RBPJ: variants seen among roughly 807,000 people sequenced by gnomAD.
RBPJ encodes the protein recombination signal binding protein for immunoglobulin kappa J region, also known as recombining binding protein suppressor of hairless.
A neutral mutation model predicts 67.8 loss-of-function variants in RBPJ; 9 were observed. The ratio of observed to expected loss-of-function variants is 0.13; its 90% confidence interval spans 0.08 to 0.23. The LOEUF (loss-of-function observed/expected upper bound fraction) is 0.23. RBPJ is among the 10% of genes least tolerant of loss of function. RBPJ has a pLI of 1.00. For missense variants in RBPJ, 305 were observed against 595.6 expected, an observed-to-expected ratio of 0.51 and a Z score of 5.08; for synonymous variants, 198 against 203.3, an observed-to-expected ratio of 0.97 and a Z score of 0.22.
chr4:26,162,721 C>G (rs1274692471), upstream of RBPJ, among the ~76,000 whole-genome samples: 1 of 152,212 alleles, frequency 6.6e-6, no homozygotes. Context: ...AGGCTCCGAG[C>G]ACATGTCCTC....
intron 1 of RBPJ, among the ~76,000 whole-genome samples, chr4:26,243,306 A>G (rs112954473): frequency 0.02 from 3,000 of 152,322 alleles, 86 homozygotes; most frequent in African/African-American, 0.069. Flanking sequence ...GATGATGGGT[A>G]TCTCGCAGAA....
rs896729093 is a variant in RBPJ, at chr4:26,254,590, T to A, written c.-167+90976T>A. On this transcript the variant is annotated intron_variant, in intron 1 of 4. Coordinates refer to the RBPJ transcript ENST00000512351. ...GATTTTATCTTTGCCACATAACTAG[T>A]TTTTTTAATGCTATGTAAATGCTAT... Among the ~76,000 whole-genome samples, 17 of 148,806 alleles carry A rather than the reference T, an allele frequency of 1.1e-4. 1 individual carries two copies. The highest frequency in any genetic ancestry group is 1.1e-3 in the Admixed American group (16 of 15,154).
chr4:26,321,997 C>T (rs1262624995), intron 1 of RBPJ: 1 of 151,928 alleles, frequency 6.6e-6, no homozygotes, highest in African/African-American at 2.4e-5. Context: ...GGGATTAAAG[C>T]GTCTCCAATT....
chr4:26,245,148 A>G (rs546037401), intron 1 of RBPJ, among the ~76,000 whole-genome samples: 153 of 150,284 alleles, frequency 1.0e-3, no homozygotes, highest in African/African-American at 3.2e-3. Flanking sequence ...AACACTATCC[A>G]TTAGCAGTCA....
At chr4:26,153,862 C>T in the RBPJ span, among the ~76,000 whole-genome samples, 17 of 152,076 alleles carry the variant, frequency 1.1e-4, no homozygotes, top group Admixed American at 1.0e-3. Context: ...GCAGGAGAAT[C>T]GCTTGAACCC....
At chr4:26,202,207 A>G (rs987716929) in intron 1 of RBPJ, among the ~76,000 whole-genome samples, 1 of 151,878 alleles carries the variant, frequency 6.6e-6, no homozygotes, top group Admixed American at 6.6e-5. Flanking sequence ...AATGTCATCA[A>G]CCTACAATGA....
chr4:26,315,167 A>ATATAT (rs1553860769), upstream of RBPJ, among the ~76,000 whole-genome samples: 10 of 74,764 alleles, frequency 1.3e-4, no homozygotes, highest in African/African-American at 6.1e-4. Flanking sequence ...AAAAAAAAAA[A>ATATAT]ATATATATAT....
chr4:26,173,552 A>G (rs890157412), intron 1 of RBPJ, among the ~76,000 whole-genome samples: 4 of 152,136 alleles, frequency 2.6e-5, no homozygotes, highest in African/African-American at 9.7e-5. Context: ...GTGAAATTTT[A>G]TTTACGTCTA....
chr4:26,339,755 C>T (rs1265753587), intron 1 of RBPJ, among the ~76,000 whole-genome samples: 3 of 152,158 alleles, frequency 2.0e-5, no homozygotes, highest in Non-Finnish European at 1.5e-5. Context: ...GGCAGTGGCT[C>T]ATGCCTGTAA....
intron 1 of RBPJ, among the ~76,000 whole-genome samples, chr4:26,298,500 C>T (rs1163509021): frequency 1.3e-5 from 2 of 152,076 alleles, no homozygotes; most frequent in East Asian, 1.9e-4. Context: ...GGGATCTGCA[C>T]GAGATGGGCA....
At chr4:26,313,944 CT>C (rs1213330278) in intron 1 of RBPJ, among the ~76,000 whole-genome samples, 2 of 152,032 alleles carry the variant, frequency 1.3e-5, no homozygotes, top group Admixed American at 1.3e-4. Flanking sequence ...CTTTTCCCTC[CT>C]TTCTATGTTT....
chr4:26,124,374 G>A, the RBPJ span, among the ~76,000 whole-genome samples: 5 of 138,926 alleles, frequency 3.6e-5, no homozygotes, highest in African/African-American at 1.4e-4. Context: ...CGCTGTGAAT[G>A]CCATTAACTC....
the RBPJ span, among the ~76,000 whole-genome samples, chr4:26,153,418 G>A: frequency 1.2e-3 from 184 of 152,318 alleles, no homozygotes; most frequent in African/African-American, 4.0e-3. Flanking sequence ...AACAGCAGGC[G>A]TTCAGTCTCC....
At chr4:26,374,203 G>A (rs1040161544) in intron 1 of RBPJ, among the ~76,000 whole-genome samples, 9 of 152,098 alleles carry the variant, frequency 5.9e-5, no homozygotes, top group African/African-American at 2.2e-4. Flanking sequence ...GCCTTCCAAA[G>A]TGTTAGGACT....
At chr4:26,214,966 G>T (rs1577480902) in intron 1 of RBPJ, among the ~76,000 whole-genome samples, 1 of 24,916 alleles carries the variant, frequency 4.0e-5, no homozygotes, top group Non-Finnish European at 6.3e-5. Context: ...GAAGGAGGGA[G>T]GGAGGGAGGG....
At chr4:26,247,209 A>T (rs1489694902) in intron 1 of RBPJ, among the ~76,000 whole-genome samples, 1 of 151,450 alleles carries the variant, frequency 6.6e-6, no homozygotes, top group Non-Finnish European at 1.5e-5. Flanking sequence ...TTATTACTGG[A>T]TTATTGATAG....
Position 26,210,391 on chromosome 4 carries a change from C to T in RBPJ, c.-167+46777C>T, listed in dbSNP as rs867547377. Reference sequence around the variant, plus strand: ...AAGTCTATCCACATGTAGAAACTAGCTCCTTTACAACTTGTCTAATGGGGC... The same window carrying T: ...AAGTCTATCCACATGTAGAAACTAGTTCCTTTACAACTTGTCTAATGGGGC... On this transcript the variant is annotated intron_variant, in intron 1 of 4. Transcript: ENST00000512351. 5.3e-5 allele frequency among the ~76,000 whole-genome samples: 8 copies of T among 152,152 alleles called. No individual in the cohort carries two copies. In the South Asian group the frequency reaches 1.2e-3, roughly 24 times the overall value.
chr4:26,153,389 T>C, the RBPJ span, among the ~76,000 whole-genome samples: 1 of 152,202 alleles, frequency 6.6e-6, no homozygotes, highest in African/African-American at 2.4e-5. Context: ...GCATCAGCTG[T>C]GAAACAACAG....
rs372137255 is a variant in RBPJ, at chr4:26,244,517, A to G, written c.-167+80903A>G. Among the ~76,000 whole-genome samples the G allele has an allele frequency of 5.7e-4, 77 of 134,904 alleles. 6 individuals are homozygous for G. The highest frequency in any genetic ancestry group is 1.0e-3 in the East Asian group (5 of 4,942). 88.5% of individuals were successfully genotyped at this position (134,904 alleles called of 152,430 possible). On this transcript the variant is annotated intron_variant, in intron 1 of 4. Coordinates refer to the RBPJ transcript ENST00000512351. Reference sequence around the variant, plus strand: ...TATGTGTGTATATATGTATACATATATGTGTATGCATATATACTGCTAAAT... The same window carrying G: ...TATGTGTGTATATATGTATACATATGTGTGTATGCATATATACTGCTAAAT...
Sources: allele counts gnomAD v4.1 joint callset (sites outside exome capture counted in the v4.1 genomes callset), GRCh38; gene constraint gnomAD v4.1.1; transcripts MANE v1.5; gene names NCBI Gene and HGNC (gene_info 2026-07-23, HGNC 2026-07-21).